The following SNX29 variants were observed in gnomAD, a reference collection of about 807,000 sequenced individuals.
SNX29 encodes the protein sorting nexin-29.
In SNX29, 78 loss-of-function variants were observed where a neutral mutation model predicts 102.1. The ratio of observed to expected loss-of-function variants is 0.76; its 90% CI spans 0.64 to 0.92. SNX29 has a LOEUF of 0.92. Among genes scored for constraint, SNX29 ranks in the 40% least tolerant of loss-of-function variants. SNX29 has a pLI of 0.00. For synonymous variants in SNX29, 580 were observed against 414.5 expected, an observed-to-expected ratio of 1.40 and a Z score of -4.85; for missense variants, 1,280 against 1,061.7, an observed-to-expected ratio of 1.21 and a Z score of -2.86.
At chr16:12,454,580 G>A (rs1410460705) in intron 18 of SNX29, among the ~76,000 whole-genome samples, 1 of 152,132 alleles carries the variant, frequency 6.6e-6, no homozygotes, top group East Asian at 1.9e-4. Flanking sequence ...GTTGAAGAGC[G>A]AACATCGAAA....
intron 3 of SNX29, 143 bp downstream of exon 3, chr16:12,003,186 G>A (rs1000539839): frequency 2.1e-6 from 2 of 957,036 alleles, no homozygotes; most frequent in Non-Finnish European, 3.3e-6. Flanking sequence ...GCAGCCAAGA[G>A]GTGCAGCGCT....
chr16:12,491,119 G>A (rs1025727175), intron 19 of SNX29, among the ~76,000 whole-genome samples: 1 of 152,204 alleles, frequency 6.6e-6, no homozygotes, highest in African/African-American at 2.4e-5. Flanking sequence ...TGCTACACTT[G>A]CCGATAGTCT....
intron 4 of SNX29, among the ~76,000 whole-genome samples, chr16:12,029,043 G>A (rs146212319): frequency 0.013 from 1,975 of 152,058 alleles, 31 homozygotes; most frequent in African/African-American, 0.045. Context: ...ACTGCGCCTG[G>A]CCTTGGTACT....
chr16:11,977,133 C>A (rs902332910), intron 1 of SNX29: 6 of 329,298 alleles, frequency 1.8e-5, no homozygotes, highest in Non-Finnish European at 2.7e-5. Flanking sequence ...GTTCTGAGAC[C>A]TCCCAGGTCT....
chr16:12,098,645 G>A lies in SNX29; in HGVS notation c.1402+19730G>A, dbSNP rs559978068. ...CCTCTCCTCCTCTTTTGCCTGGGTCGTGCTTATTCATCCTGTAAGACACAG... is the reference window on the plus strand; with the variant it reads ...CCTCTCCTCCTCTTTTGCCTGGGTCATGCTTATTCATCCTGTAAGACACAG... On this transcript the variant is annotated intron_variant, in intron 11 of 20. Transcript: ENST00000566228. The surrounding 1 kb of genome is among the most constrained non-coding windows in gnomAD (Gnocchi z 6.0). 2.2e-4 allele frequency among the ~76,000 whole-genome samples: 34 copies of A among 152,266 alleles called. No individual in the cohort carries two copies. Among genetic ancestry groups the A allele is most frequent in the Admixed American group, 2.6e-4 (4 of 15,298 alleles).
At chr16:12,424,512 T>C (rs1349277601) in intron 18 of SNX29, among the ~76,000 whole-genome samples, 2 of 152,178 alleles carry the variant, frequency 1.3e-5, no homozygotes, top group Non-Finnish European at 2.9e-5. Context: ...TTGAGAGAGC[T>C]GGAGACTGCT....
chr16:12,273,041 A>G (rs899680481), intron 14 of SNX29, among the ~76,000 whole-genome samples: 3 of 152,182 alleles, frequency 2.0e-5, no homozygotes, highest in Non-Finnish European at 4.4e-5. Flanking sequence ...TGTGAAGTGC[A>G]TGATCGTTTT....
Position 12,572,017 on chromosome 16 carries a change from G to A in SNX29, c.*3388G>A, listed in dbSNP as rs544154523. The A allele has an allele frequency of 1.3e-4, 136 of 1,062,790 alleles. 1 individual carries two copies. The African/African-American group carries it at 2.0e-3, about 15-fold the overall frequency. The allele number at this position is 1,062,790 out of a possible 1,614,324, so 65.8% of individuals were successfully genotyped here. On this transcript the variant is annotated 3_prime_UTR_variant, in exon 21 of 21. Coordinates refer to ENST00000566228, the MANE Select transcript of SNX29 (RefSeq NM_032167.5). ...ACCAGTTGCATCTAGGGAGCTGCTG[G>A]CTATAAAAGGGATCATCCAGTGGAG...
At chr16:12,170,449 T>C (rs1176015433) in intron 13 of SNX29, among the ~76,000 whole-genome samples, 1 of 151,854 alleles carries the variant, frequency 6.6e-6, no homozygotes, top group Non-Finnish European at 1.5e-5. Context: ...CACTTAGCCC[T>C]GAGGTCATCA....
At chr16:12,027,231 C>T (rs555382648) in intron 3 of SNX29, 89 bp from the exon 4 acceptor site, 34 of 1,537,632 alleles carry the variant, frequency 2.2e-5, no homozygotes, top group South Asian at 1.5e-4. Flanking sequence ...TTACACCTGG[C>T]GGCTTACTCA....
chr16:12,498,449 C>G (rs1197185552), intron 19 of SNX29, among the ~76,000 whole-genome samples: 5 of 152,106 alleles, frequency 3.3e-5, no homozygotes, highest in Non-Finnish European at 7.4e-5. Context: ...TGACCAGTAG[C>G]AGGAGACGCT....
At chr16:12,535,502 C>G (rs1249148957) in intron 20 of SNX29, among the ~76,000 whole-genome samples, 1 of 152,144 alleles carries the variant, frequency 6.6e-6, no homozygotes, top group East Asian at 1.9e-4. Flanking sequence ...GATGAGGAAA[C>G]TGAGTCTCAC....
intron 9 of SNX29, among the ~76,000 whole-genome samples, chr16:12,068,081 C>T (rs1434198227): frequency 6.6e-6 from 1 of 152,128 alleles, no homozygotes; most frequent in South Asian, 2.1e-4. Flanking sequence ...GCACTACAAG[C>T]AGGAGCAGTT....
chr16:12,072,213 G>T (rs1018711686), intron 10 of SNX29, among the ~76,000 whole-genome samples: 1 of 152,206 alleles, frequency 6.6e-6, no homozygotes, highest in African/African-American at 2.4e-5. Context: ...TGTTGAATAG[G>T]AGTTGTGAGA....
chr16:12,124,931 G>A (rs1396413082), intron 11 of SNX29, among the ~76,000 whole-genome samples: 2 of 152,196 alleles, frequency 1.3e-5, no homozygotes, highest in Non-Finnish European at 2.9e-5. Context: ...GTGCAGGAGC[G>A]CTGCTCTGTT....
intron 11 of SNX29, among the ~76,000 whole-genome samples, chr16:12,108,621 C>A (rs350249): frequency 1.3e-5 from 2 of 152,002 alleles, no homozygotes; most frequent in East Asian, 3.9e-4. Flanking sequence ...TACAACAGCC[C>A]TGTGAGTTGA....
chr16:12,372,128 G>C (rs963888642), intron 16 of SNX29, among the ~76,000 whole-genome samples: 1 of 152,176 alleles, frequency 6.6e-6, no homozygotes, highest in Non-Finnish European at 1.5e-5. Flanking sequence ...TTGCATATAG[G>C]CAGGCATATA....
chr16:12,138,967 C>T lies in SNX29; in HGVS notation c.1595+9209C>T, dbSNP rs549453025. 6.6e-5 allele frequency among the ~76,000 whole-genome samples: 10 copies of T among 152,028 alleles called. No individual in the cohort carries two copies. The South Asian group carries it at 1.9e-3, about 28-fold the overall frequency. The stretch of plus-strand genomic sequence containing the variant: ...CCTGTAATCCCAACACTTTGGGAGG[C>T]CGAGGTAGGTGGATCACTGAGGTCA... On this transcript the variant is annotated intron_variant, in intron 13 of 20. Coordinates refer to ENST00000566228, the MANE Select transcript of SNX29 (RefSeq NM_032167.5).
At chr16:12,131,037 C>A (rs2054443962) in intron 13 of SNX29, among the ~76,000 whole-genome samples, 2 of 152,136 alleles carry the variant, frequency 1.3e-5, no homozygotes, top group South Asian at 4.1e-4. Context: ...ATTGCTGGGT[C>A]AAAGTGCAGC....
Sources: gnomAD v4.1 joint callset for allele counts (sites outside exome capture counted in the v4.1 genomes callset) on GRCh38, gnomAD v4.1.1 for gene constraint, Gnocchi (gnomAD v3.1) non-coding constraint, MANE v1.5 for transcripts, NCBI Gene and HGNC (gene_info 2026-07-23, HGNC 2026-07-21) for gene names.